The following RSBN1 variants were observed in gnomAD, a reference collection of about 807,000 sequenced individuals.
The protein encoded by RSBN1 is lysine-specific demethylase 9.
Under a neutral mutation model 74.8 loss-of-function variants are expected in RSBN1, and 23 were observed. The observed-to-expected ratio is 0.31, with a 90% CI of 0.22 to 0.44. The LOEUF (loss-of-function observed/expected upper bound fraction) is 0.44, where lower values mean the gene tolerates loss of function less well. Ranked by LOEUF, RSBN1 falls within the 20% of genes least tolerant of loss-of-function variation. The pLI is 1.00. For missense variants in RSBN1, 808 were observed against 1,020.9 expected (o/e 0.79, Z 2.84); for synonymous variants, 407 against 379.6 (o/e 1.07, Z -0.84).
chr1:113,767,304 C>T, intron 5 of RSBN1, 97 bp from the exon 6 acceptor site: 1 of 623,256 alleles, frequency 1.6e-6, no homozygotes. Context: ...CTTCTACCAG[C>T]AGAGAAATAG....
intron 2 of RSBN1, among the ~76,000 whole-genome samples, chr1:113,779,187 T>A (rs954918424): frequency 6.6e-6 from 1 of 152,174 alleles, no homozygotes. Flanking sequence ...TTAAAAAAAA[T>A]TTAAAGAATC....
intron 1 of RSBN1, among the ~76,000 whole-genome samples, chr1:113,800,534 T>G (rs1025454148): frequency 6.6e-6 from 1 of 152,140 alleles, no homozygotes; most frequent in Admixed American, 6.5e-5. Flanking sequence ...ATCTAATTAC[T>G]CTCTTCTATT....
chr1:113,773,508 G>A (rs2101795105), intron 4 of RSBN1, among the ~76,000 whole-genome samples: 1 of 151,968 alleles, frequency 6.6e-6, no homozygotes, highest in East Asian at 2.0e-4. Context: ...GGGTGACAGA[G>A]CAAGACTCTG....
intron 2 of RSBN1, among the ~76,000 whole-genome samples, chr1:113,789,876 T>C (rs1049329899): frequency 8.5e-5 from 13 of 152,194 alleles, no homozygotes; most frequent in African/African-American, 2.9e-4. Context: ...TAATGTAGAG[T>C]TAGATGTATC....
chr1:113,808,849 G>C (rs1660771551), intron 1 of RSBN1, among the ~76,000 whole-genome samples: 1 of 152,182 alleles, frequency 6.6e-6, no homozygotes, highest in African/African-American at 2.4e-5. Context: ...TGGTGGAACA[G>C]TTCTGTATCT....
At position 113,762,118 on chromosome 1, in the gene RSBN1, T is replaced by C. The variant is rs1659690249; in HGVS notation, c.*3862A>G. 6.5e-6 allele frequency: 1 copy of C among 152,708 alleles called. No homozygotes were observed. Among genetic ancestry groups the C allele is most frequent in the African/African-American group, 2.4e-5 (1 of 41,412 alleles). The allele number at this position is 152,708 out of a possible 1,614,324, so 9.5% of individuals were successfully genotyped here. On this transcript the variant is annotated 3_prime_UTR_variant, in exon 7 of 7. Transcript: ENST00000261441. Reference sequence around the variant, plus strand: ...ATTTCATCTATATGCAAAGACCTCTTAGATAAATAAAAGCCACAGGAAAAA... The same window carrying C: ...ATTTCATCTATATGCAAAGACCTCTCAGATAAATAAAAGCCACAGGAAAAA...
In RSBN1 at chr1:113,811,818, C is replaced by A. The variant is rs755537226; in HGVS notation, c.595G>T (p.Gly199Cys). 6.2e-7 allele frequency: 1 copy of A among 1,613,772 alleles called. No homozygotes were observed. The highest frequency in any genetic ancestry group is 8.5e-7 in the Non-Finnish European group (1 of 1,179,966). The change falls in exon 1 of 7, where the codon GGC becomes TGC. Residue 199 changes from glycine (G) to cysteine (C), a missense_variant. By Grantham distance (159) the Gly-to-Cys change is radical. Transcript: ENST00000261441. Reference sequence around the variant, plus strand: ...CAGGAGCTGGGATCACCATCGGGGCCGCGGTGGTGATGGTGCTTGTGCCGC... The same window carrying A: ...CAGGAGCTGGGATCACCATCGGGGCAGCGGTGGTGATGGTGCTTGTGCCGC... ...KERHKHHHHR[G>C]PDGDPSSCGT...
At chr1:113,773,927 C>T (rs1481232200) in intron 4 of RSBN1, among the ~76,000 whole-genome samples, 3 of 151,982 alleles carry the variant, frequency 2.0e-5, no homozygotes, top group East Asian at 3.9e-4. Flanking sequence ...CATTTGAATC[C>T]GGGAGGCGGA....
rs746307326 is a variant in RSBN1, at chr1:113,766,209, T to C, written c.2180A>G (p.Lys727Arg). 3.7e-6 allele frequency: 6 copies of C among 1,614,166 alleles called. No individual in the cohort carries two copies. The highest frequency in any genetic ancestry group is 2.5e-6 in the Non-Finnish European group (3 of 1,179,992). ...TTGGGAGTCAACTTCTAATTCTCGC[T>C]TTCCAGTTAAACCACAGTCCATGTT... The part of the protein sequence containing the change: ...NSNMDCGLTG[K>R]RELEVDSQCV... Residue 727 changes from lysine to arginine, a missense_variant, in exon 7 of 7, where the codon AAG becomes AGG. This residue lies in a region of RSBN1 where 91 missense variants were observed against 99.6 expected (regional missense o/e 0.91). Transcript: ENST00000261441.
intron 6 of RSBN1, among the ~76,000 whole-genome samples, chr1:113,766,780 GTCTT>G (rs1024500991): frequency 2.0e-5 from 3 of 152,114 alleles, no homozygotes; most frequent in Non-Finnish European, 2.9e-5. Flanking sequence ...CTTTTAGTGT[GTCTT>G]TCAGCCTTTT....
intron 1 of RSBN1, among the ~76,000 whole-genome samples, chr1:113,809,400 C>A (rs983957180): frequency 1.2e-4 from 19 of 152,180 alleles, no homozygotes; most frequent in African/African-American, 4.3e-4. Context: ...CAGATTAATA[C>A]CAGAGGCATG....
At chr1:113,781,395 G>C (rs1343393250) in intron 2 of RSBN1, among the ~76,000 whole-genome samples, 1 of 152,148 alleles carries the variant, frequency 6.6e-6, no homozygotes, top group Non-Finnish European at 1.5e-5. Context: ...TTCAAGGAAT[G>C]CTTTGCAATC....
rs2101783959 is a variant in RSBN1 at position 113,761,885 on chromosome 1, A to G, written c.*4095T>C. On this transcript the variant is annotated 3_prime_UTR_variant, in exon 7 of 7. Coordinates refer to ENST00000261441, the MANE Select transcript of RSBN1 (RefSeq NM_018364.5). The stretch of plus-strand genomic sequence containing the variant: ...AAAAAATACTTTACAGGAAAAAAAA[A>G]AACTATGCATTCCATTGTCCTATTT... The G allele has an allele frequency of 6.5e-6, 1 of 152,842 alleles. No individual in the cohort carries two copies. The highest frequency in any genetic ancestry group is 2.4e-5 in the African/African-American group (1 of 41,574). 9.5% of individuals were successfully genotyped at this position (152,842 alleles called of 1,614,324 possible).
At position 113,808,103 on chromosome 1, in the gene RSBN1, G is replaced by GCAGTATCTT. The variant is rs535185549; in HGVS notation, c.703+3598_703+3606dup. 4.4e-3 allele frequency among the ~76,000 whole-genome samples: 665 copies of GCAGTATCTT among 152,174 alleles called. 2 individuals are homozygous for GCAGTATCTT. Among genetic ancestry groups the GCAGTATCTT allele is most frequent in the African/African-American group, 0.015 (641 of 41,514 alleles). Reference sequence around the variant, plus strand: ...TACCGACACTCCAGAAAATACTTTGGCAGTATCTTAAAAAACAAACAAACA... The same window carrying GCAGTATCTT: ...TACCGACACTCCAGAAAATACTTTGGCAGTATCTTCAGTATCTTAAAAAACAAACAAACA... On this transcript the variant is annotated intron_variant, in intron 1 of 6. Transcript: ENST00000261441.
intron 4 of RSBN1, among the ~76,000 whole-genome samples, chr1:113,776,038 T>C (rs1167613571): frequency 6.6e-6 from 1 of 152,210 alleles, no homozygotes; most frequent in Admixed American, 6.5e-5. Flanking sequence ...CAGGTATAGA[T>C]CATTTTCAGT....
In RSBN1 at chr1:113,791,713, GA is replaced by G. The variant is rs562531985; in HGVS notation, c.1377+5649del. Among the ~76,000 whole-genome samples the G allele has an allele frequency of 9.6e-4, 140 of 146,080 alleles. 1 individual carries two copies. Among genetic ancestry groups the G allele is most frequent in the East Asian group, 3.2e-3 (16 of 5,072 alleles). On this transcript the variant is annotated intron_variant, in intron 2 of 6. Transcript: ENST00000261441. ...TCAAAGTGAGTACTTAAAATAAGAG[GA>G]AAAAAAAAAGAATCAAGCCTACCAT...
intron 2 of RSBN1, among the ~76,000 whole-genome samples, chr1:113,787,667 A>G (rs1660272482): frequency 6.6e-6 from 1 of 152,158 alleles, no homozygotes; most frequent in Admixed American, 6.5e-5. Context: ...CCAGTTATTT[A>G]ACAATGCAAT....
intron 2 of RSBN1, among the ~76,000 whole-genome samples, chr1:113,788,613 G>A (rs1351145537): frequency 6.6e-6 from 1 of 152,116 alleles, no homozygotes. Context: ...AACACTGTAA[G>A]TTTAAAGGCA....
intron 2 of RSBN1, among the ~76,000 whole-genome samples, chr1:113,778,808 T>C (rs933483109): frequency 2.0e-5 from 3 of 152,182 alleles, no homozygotes; most frequent in African/African-American, 7.2e-5. Context: ...ATGTTACCTA[T>C]GAGCAACATA....
Sources: gnomAD v4.1 joint callset for allele counts (sites outside exome capture counted in the v4.1 genomes callset) on GRCh38, gnomAD v4.1.1 for gene constraint, gnomAD v4.1.1 regional missense constraint, MANE v1.5 for transcripts, NCBI Gene and HGNC (gene_info 2026-07-23, HGNC 2026-07-21) for gene names.